Variants in SLC5A4 observed in about 807,000 individuals in gnomAD.
SLC5A4 encodes the protein probable glucose sensor protein SLC5A4.
In SLC5A4, 55 loss-of-function variants were observed where a neutral mutation model predicts 70.3. The ratio of observed to expected loss-of-function variants is 0.78; its 90% CI spans 0.63 to 0.98. The LOEUF is 0.98. SLC5A4 is among the 50% of genes least tolerant of loss of function. SLC5A4 has a pLI of 0.00. For synonymous variants in SLC5A4, 268 were observed against 305.7 expected (o/e 0.88, Z 1.29); for missense variants, 735 against 839.2 (o/e 0.88, Z 1.53).
chr22:32,321,116 T>C, the SLC5A4 span, among the ~76,000 whole-genome samples: 3 of 152,108 alleles, frequency 2.0e-5, no homozygotes, highest in Non-Finnish European at 4.4e-5. Context: ...TGAAACCCCA[T>C]CTCTACTAAA....
At chr22:32,271,271 G>T in the SLC5A4 span, 1 of 764,352 alleles carries the variant, frequency 1.3e-6, no homozygotes, top group Non-Finnish European at 2.3e-6. Flanking sequence ...AGCTCCTTTG[G>T]AGAGCCCACC....
chr22:32,312,215 G>C, the SLC5A4 span, among the ~76,000 whole-genome samples: 2 of 152,078 alleles, frequency 1.3e-5, no homozygotes, highest in Non-Finnish European at 2.9e-5. Context: ...GCTGTACCCT[G>C]TGCTTAGCAA....
the SLC5A4 span, among the ~76,000 whole-genome samples, chr22:32,300,632 C>G: frequency 0.47 from 71,014 of 149,656 alleles, 16,994 homozygotes; most frequent in Admixed American, 0.51. Context: ...GCGTCACTCA[C>G]GCTGGGAGCT....
chr22:32,324,254 TAC>T, the SLC5A4 span, among the ~76,000 whole-genome samples: 6 of 129,080 alleles, frequency 4.6e-5, no homozygotes, highest in East Asian at 4.8e-4. Context: ...TGTGTATATA[TAC>T]ACACATATAT....
the SLC5A4 span, chr22:32,269,359 G>A: frequency 1.1e-4 from 39 of 368,822 alleles, no homozygotes; most frequent in African/African-American, 7.8e-4. This position sits in a 1 kb window ranked among gnomAD's most constrained non-coding sequence, Gnocchi z 4.1. Flanking sequence ...TTCCATAGGA[G>A]TGGGCTGGCC....
At chr22:32,285,523 C>A in the SLC5A4 span, among the ~76,000 whole-genome samples, 12 of 152,076 alleles carry the variant, frequency 7.9e-5, no homozygotes, top group Non-Finnish European at 2.9e-5. Flanking sequence ...TTTACATCAT[C>A]TTTTGTCATA....
chr22:32,346,923 C>CAAA, the SLC5A4 span, among the ~76,000 whole-genome samples: 1 of 151,234 alleles, frequency 6.6e-6, no homozygotes, highest in East Asian at 1.9e-4. Context: ...AGGCAACCTA[C>CAAA]AAAATGGGAG....
At chr22:32,248,107 AT>A (rs949632623) in intron 4 of SLC5A4, among the ~76,000 whole-genome samples, 1 of 152,070 alleles carries the variant, frequency 6.6e-6, no homozygotes, top group East Asian at 1.9e-4. Flanking sequence ...AAGAAATTTG[AT>A]TTTTTTGTCT....
At chr22:32,304,820 G>C in the SLC5A4 span, among the ~76,000 whole-genome samples, 6 of 151,044 alleles carry the variant, frequency 4.0e-5, no homozygotes, top group Admixed American at 1.3e-4. Flanking sequence ...AGGTCATCTA[G>C]ATTTTCTCCT....
At chr22:32,274,305 G>C in the SLC5A4 span, among the ~76,000 whole-genome samples, 1 of 152,116 alleles carries the variant, frequency 6.6e-6, no homozygotes, top group Non-Finnish European at 1.5e-5. Flanking sequence ...CTCCTAAAGT[G>C]CTGGGATTAT....
intron 13 of SLC5A4, among the ~76,000 whole-genome samples, chr22:32,224,065 T>A (rs548499101): frequency 6.6e-6 from 1 of 152,002 alleles, no homozygotes; most frequent in Non-Finnish European, 1.5e-5. Flanking sequence ...GGATTACAGG[T>A]GCCCACCACC....
the SLC5A4 span, among the ~76,000 whole-genome samples, chr22:32,350,527 A>G: frequency 2.0e-5 from 3 of 152,182 alleles, no homozygotes; most frequent in African/African-American, 7.2e-5. Flanking sequence ...ATATTACTCA[A>G]TCTTAAAGGA....
chr22:32,238,962 A>C, intron 6 of SLC5A4, 23 bp downstream of exon 6: 2 of 1,560,850 alleles, frequency 1.3e-6, no homozygotes, highest in Non-Finnish European at 1.8e-6. Flanking sequence ...AGCCTGAGTG[A>C]GCAAAATATG....
the SLC5A4 span, among the ~76,000 whole-genome samples, chr22:32,311,090 G>A: frequency 6.6e-6 from 1 of 152,152 alleles, no homozygotes; most frequent in Non-Finnish European, 1.5e-5. Flanking sequence ...TTCAAATCTG[G>A]CCTTCAATCA....
chr22:32,330,871 G>C, the SLC5A4 span, among the ~76,000 whole-genome samples: 22,839 of 96,238 alleles, frequency 0.24, 5,933 homozygotes, highest in African/African-American at 0.29. Flanking sequence ...GTGTTGGAGG[G>C]TCTGCTGTGT....
At chr22:32,287,574 C>T in the SLC5A4 span, among the ~76,000 whole-genome samples, 7 of 152,130 alleles carry the variant, frequency 4.6e-5, no homozygotes, top group East Asian at 1.4e-3. Flanking sequence ...CAAGAAGAAG[C>T]AGGTGTAGAC....
the SLC5A4 span, among the ~76,000 whole-genome samples, chr22:32,322,340 A>G: frequency 6.6e-6 from 1 of 152,218 alleles, no homozygotes; most frequent in Non-Finnish European, 1.5e-5. Context: ...CTGTAATCCC[A>G]GCACTTTGGG....
chr22:32,334,042 CCAT>C, the SLC5A4 span, among the ~76,000 whole-genome samples: 9 of 147,688 alleles, frequency 6.1e-5, no homozygotes, highest in East Asian at 1.9e-4. Flanking sequence ...CACACACACA[CCAT>C]GCCACAGACT....
chr22:32,333,802 T>C, the SLC5A4 span, among the ~76,000 whole-genome samples: 6 of 131,244 alleles, frequency 4.6e-5, no homozygotes, highest in Admixed American at 1.5e-4. Context: ...GCCACACAGA[T>C]CCACACAATA....
Sources: allele counts gnomAD v4.1 joint callset (sites outside exome capture counted in the v4.1 genomes callset), GRCh38; gene constraint gnomAD v4.1.1; non-coding constraint Gnocchi (gnomAD v3.1); transcripts MANE v1.5; gene names NCBI Gene and HGNC (gene_info 2026-07-23, HGNC 2026-07-21).